The following GPAT3 variants were observed in gnomAD, a reference collection of about 807,000 sequenced individuals.
GPAT3 encodes 1-AGP acyltransferase 9.
GPAT3 carries 53 observed loss-of-function variants against 58.8 expected under a neutral mutation model. That is an observed-to-expected ratio of 0.90 (90% CI 0.72 to 1.13). GPAT3 has a LOEUF of 1.13. GPAT3 is among the 50% of genes most tolerant of loss of function. The pLI is 0.00. For synonymous variants in GPAT3, 197 were observed against 187.4 expected, an observed-to-expected ratio of 1.05 and a Z score of -0.42; for missense variants, 511 against 527.6, an observed-to-expected ratio of 0.97 and a Z score of 0.31.
chr4:83,568,988 A>G (rs1168400905), intron 2 of GPAT3, among the ~76,000 whole-genome samples: 1 of 152,188 alleles, frequency 6.6e-6, no homozygotes, highest in Non-Finnish European at 1.5e-5. Context: ...AAGTGGAAAG[A>G]TGTTATGTGT....
At chr4:83,598,429 G>A (rs1726929265) in intron 10 of GPAT3, 4 of 693,000 alleles carry the variant, frequency 5.8e-6, no homozygotes, top group East Asian at 2.8e-5. Context: ...CTAATAAAGA[G>A]CGTAATAAAT....
chr4:83,578,779 A>C (rs1017506430), intron 2 of GPAT3, among the ~76,000 whole-genome samples: 2 of 151,678 alleles, frequency 1.3e-5, no homozygotes, highest in Non-Finnish European at 2.9e-5. Context: ...CCTCTTTTGG[A>C]GATGGTGAAA....
At chr4:83,566,193 C>T (rs1209886584) in intron 2 of GPAT3, among the ~76,000 whole-genome samples, 1 of 152,090 alleles carries the variant, frequency 6.6e-6, no homozygotes, top group African/African-American at 2.4e-5. Context: ...ATCCCAGAAA[C>T]TCTCTTTCCC....
intron 11 of GPAT3, among the ~76,000 whole-genome samples, chr4:83,600,952 A>G (rs1395978052): frequency 6.6e-6 from 1 of 152,146 alleles, no homozygotes; most frequent in Non-Finnish European, 1.5e-5. Flanking sequence ...ATTTCAGACA[A>G]TTGTAGCAAT....
chr4:83,561,443 C>A (rs926999355), intron 2 of GPAT3, among the ~76,000 whole-genome samples: 15 of 151,864 alleles, frequency 9.9e-5, no homozygotes, highest in South Asian at 2.1e-4. Context: ...TCATTCATAT[C>A]CCTTCTTCTT....
Position 83,536,279 on chromosome 4 carries a change from T to C in GPAT3, c.-344T>C, listed in dbSNP as rs1158335230. On this transcript the variant is annotated 5_prime_UTR_variant, in exon 1 of 12. Transcript: ENST00000264409. ...GCACCGGGCGGGGCGGGTTCCTGGCTGCGCTCGCGCGCTCTGCCCGCGCCG... is the reference window on the plus strand; with the variant it reads ...GCACCGGGCGGGGCGGGTTCCTGGCCGCGCTCGCGCGCTCTGCCCGCGCCG... 2.9e-6 allele frequency: 3 copies of C among 1,042,940 alleles called. No individual in the cohort carries two copies. The highest frequency in any genetic ancestry group is 3.4e-5 in the African/African-American group (2 of 59,294). 64.6% of individuals were successfully genotyped at this position (1,042,940 alleles called of 1,614,324 possible).
intron 2 of GPAT3, among the ~76,000 whole-genome samples, chr4:83,580,812 A>G (rs1404107318): frequency 2.0e-5 from 3 of 152,136 alleles, no homozygotes; most frequent in Admixed American, 2.0e-4. Flanking sequence ...ATATTAAAAA[A>G]TCGGCCGGGC....
chr4:83,573,173 C>T (rs1220362971), intron 2 of GPAT3, among the ~76,000 whole-genome samples: 1 of 152,016 alleles, frequency 6.6e-6, no homozygotes, highest in Non-Finnish European at 1.5e-5. Flanking sequence ...TTCACTCTGT[C>T]ACCCAGGCTG....
chr4:83,541,879 C>T (rs1724317231), intron 1 of GPAT3, among the ~76,000 whole-genome samples: 1 of 152,188 alleles, frequency 6.6e-6, no homozygotes. Flanking sequence ...CTCACGTGGC[C>T]CTTTCTCTCT....
intron 2 of GPAT3, among the ~76,000 whole-genome samples, chr4:83,545,718 T>C (rs1724482343): frequency 6.6e-6 from 1 of 152,126 alleles, no homozygotes; most frequent in Admixed American, 6.5e-5. Context: ...TATTTTATCC[T>C]TTTTTTAATT....
At chr4:83,598,866 T>G in intron 11 of GPAT3, 143 bp downstream of exon 11, 2 of 623,448 alleles carry the variant, frequency 3.2e-6, no homozygotes, top group Non-Finnish European at 5.3e-6. Flanking sequence ...CATAGTTCAC[T>G]GTAGCCTTGA....
intron 2 of GPAT3, among the ~76,000 whole-genome samples, chr4:83,579,079 T>C (rs370916181): frequency 0.037 from 593 of 15,886 alleles, 38 homozygotes; most frequent in Middle Eastern, 0.1. Context: ...TCTTTCTTTC[T>C]TCCCTTCCTT....
chr4:83,550,926 T>C (rs374181567), intron 2 of GPAT3, among the ~76,000 whole-genome samples: 1 of 152,244 alleles, frequency 6.6e-6, no homozygotes, highest in Non-Finnish European at 1.5e-5. Flanking sequence ...AACATAGCTC[T>C]GTAGAAGGCA....
intron 2 of GPAT3, among the ~76,000 whole-genome samples, chr4:83,545,212 C>T (rs919573451): frequency 8.5e-5 from 13 of 152,154 alleles, no homozygotes; most frequent in Admixed American, 2.0e-4. Flanking sequence ...AGGCTGAGGC[C>T]GGCAGATCGC....
chr4:83,549,160 C>A (rs1401666103), intron 2 of GPAT3, among the ~76,000 whole-genome samples: 2 of 128,468 alleles, frequency 1.6e-5, no homozygotes, highest in East Asian at 2.1e-4. Flanking sequence ...ATAGTGAGAC[C>A]CATCTGAAAA....
At chr4:83,597,966 G>A in intron 9 of GPAT3, 85 bp from the exon 10 acceptor site, 1 of 1,507,140 alleles carries the variant, frequency 6.6e-7, no homozygotes, top group Non-Finnish European at 9.0e-7. Flanking sequence ...TGATAAAGCT[G>A]TTTGGCCTAC....
At chr4:83,538,090 T>G (rs1724169951) in intron 1 of GPAT3, among the ~76,000 whole-genome samples, 1 of 152,196 alleles carries the variant, frequency 6.6e-6, no homozygotes, top group Non-Finnish European at 1.5e-5. Context: ...ATAAGTTTGG[T>G]TCCCATTTTT....
chr4:83,561,445 C>G (rs1725121717), intron 2 of GPAT3, among the ~76,000 whole-genome samples: 1 of 151,856 alleles, frequency 6.6e-6, no homozygotes, highest in African/African-American at 2.4e-5. Context: ...ATTCATATCC[C>G]TTCTTCTTCT....
In GPAT3 at chr4:83,554,874, GATC is replaced by G. The variant is rs1331995581; in HGVS notation, c.208+10274_208+10276del. Among the ~76,000 whole-genome samples, 5 of 150,606 alleles carry G rather than the reference GATC, an allele frequency of 3.3e-5. No individual in the cohort carries two copies. In the East Asian group the frequency reaches 9.7e-4, roughly 29 times the overall value. On this transcript the variant is annotated intron_variant, in intron 2 of 11. Coordinates refer to ENST00000264409, the MANE Select transcript of GPAT3 (RefSeq NM_032717.5). ...GCTGGAGTTCAGTGGCGTGATCTCG[GATC>G]ACTGCAACCTTTGCCTCCCGGGTTC... is the stretch of plus-strand genomic sequence containing the variant.
Sources: gnomAD v4.1 joint callset for allele counts (sites outside exome capture counted in the v4.1 genomes callset) on GRCh38, gnomAD v4.1.1 for gene constraint, MANE v1.5 for transcripts, NCBI Gene and HGNC (gene_info 2026-07-23, HGNC 2026-07-21) for gene names.